Variants in RNF38 observed in about 807,000 individuals in gnomAD.
RNF38 encodes the protein ring finger protein 38.
RNF38 carries 15 observed loss-of-function variants against 67.2 expected under a neutral mutation model. The observed-to-expected ratio is 0.22, with a 90% CI of 0.15 to 0.34. The LOEUF (loss-of-function observed/expected upper bound fraction) is 0.34. RNF38 is among the 10% of genes least tolerant of loss of function. The pLI is 1.00. For missense variants in RNF38, 524 were observed against 639.9 expected, an observed-to-expected ratio of 0.82 and a Z score of 1.95; for synonymous variants, 220 against 218.8, an observed-to-expected ratio of 1.01 and a Z score of -0.05.
At chr9:36,369,507 G>A (rs1180412505) in intron 4 of RNF38, among the ~76,000 whole-genome samples, 6 of 152,092 alleles carry the variant, frequency 3.9e-5, no homozygotes, top group Non-Finnish European at 5.9e-5. Context: ...ATGAGCCACC[G>A]TGCTGGGCCG....
At chr9:36,443,208 C>T (rs919497464) in intron 1 of RNF38, among the ~76,000 whole-genome samples, 4 of 152,126 alleles carry the variant, frequency 2.6e-5, no homozygotes, top group African/African-American at 7.2e-5. Context: ...ATGGATTGTC[C>T]GCAGGCATAG....
At chr9:36,394,229 C>T (rs565551698) in intron 1 of RNF38, among the ~76,000 whole-genome samples, 3 of 151,694 alleles carry the variant, frequency 2.0e-5, no homozygotes, top group Non-Finnish European at 2.9e-5. Context: ...GAGCCAAGAT[C>T]GTGCCACTGC....
intron 9 of RNF38, among the ~76,000 whole-genome samples, chr9:36,350,007 G>A (rs187046326): frequency 1.9e-3 from 287 of 152,096 alleles, no homozygotes; most frequent in African/African-American, 6.7e-3. Flanking sequence ...TTATAGAAAC[G>A]GGGTTTCACC....
intron 1 of RNF38, among the ~76,000 whole-genome samples, chr9:36,435,383 T>C (rs1320507337): frequency 1.3e-5 from 2 of 152,344 alleles, no homozygotes; most frequent in East Asian, 3.9e-4. Flanking sequence ...ACGAGAGTAG[T>C]AATTTTTAAA....
upstream of RNF38, chr9:36,400,271 C>G: frequency 3.0e-6 from 4 of 1,337,492 alleles, no homozygotes; most frequent in Non-Finnish European, 1.9e-6. Context: ...CAGAAGGACG[C>G]CAGAGAGGAC....
In RNF38 at chr9:36,461,964, A is replaced by T. The variant is rs2134377561; in HGVS notation, n.241+25344T>A. On this transcript the variant is annotated intron_variant and non_coding_transcript_variant, in intron 1 of 3. Coordinates refer to the RNF38 transcript ENST00000488058. Reference sequence around the variant, plus strand: ...AAACACAGAAGAGAGATGAAGAAACAGGCCCAAGCCCTGAGGAACTCAAAC... The same window carrying T: ...AAACACAGAAGAGAGATGAAGAAACTGGCCCAAGCCCTGAGGAACTCAAAC... Among the ~76,000 whole-genome samples the T allele has an allele frequency of 2.6e-5, 4 of 152,356 alleles. No homozygotes were observed. The South Asian group carries it at 8.3e-4, about 32-fold the overall frequency.
intron 9 of RNF38, among the ~76,000 whole-genome samples, chr9:36,346,935 CG>C (rs1037537690): frequency 6.6e-6 from 1 of 151,888 alleles, no homozygotes; most frequent in African/African-American, 2.4e-5. Flanking sequence ...CTGGTCAACA[CG>C]GTGAAACCCC....
intron 1 of RNF38, among the ~76,000 whole-genome samples, chr9:36,440,546 GA>G (rs1000747818): frequency 2.0e-5 from 3 of 147,750 alleles, no homozygotes; most frequent in East Asian, 2.0e-4. Flanking sequence ...AAAAAAGAAA[GA>G]AAAAAAAGAA....
intron 4 of RNF38, among the ~76,000 whole-genome samples, chr9:36,365,672 T>TTG (rs1388418177): frequency 2.6e-4 from 37 of 142,384 alleles, no homozygotes; most frequent in African/African-American, 8.6e-4. Context: ...GTTTTTTTTT[T>TTG]TTTTTTTTTT....
chr9:36,347,969 G>A (rs958351477), intron 9 of RNF38, among the ~76,000 whole-genome samples: 9 of 152,220 alleles, frequency 5.9e-5, no homozygotes, highest in Non-Finnish European at 1.0e-4. Flanking sequence ...CTACCTACTC[G>A]GGAGGCTGAG....
chr9:36,487,597 A>C (rs1306874260), upstream of RNF38: 1 of 976,946 alleles, frequency 1.0e-6, no homozygotes, highest in Non-Finnish European at 1.2e-6. Flanking sequence ...CTGCGACTCG[A>C]CTCCGGCGCG....
At chr9:36,380,495 C>T (rs1223919724) in intron 2 of RNF38, among the ~76,000 whole-genome samples, 2 of 149,742 alleles carry the variant, frequency 1.3e-5, no homozygotes, top group Non-Finnish European at 3.0e-5. Flanking sequence ...CCACTGCGCC[C>T]GGCCTGTTTT....
At chr9:36,484,107 T>C (rs1407904931) in intron 1 of RNF38, among the ~76,000 whole-genome samples, 2 of 152,152 alleles carry the variant, frequency 1.3e-5, no homozygotes, top group African/African-American at 4.8e-5. Flanking sequence ...TTCTCAAACT[T>C]TAGTGGGCAT....
At chr9:36,455,207 G>A (rs143418143) in intron 1 of RNF38, among the ~76,000 whole-genome samples, 5 of 151,860 alleles carry the variant, frequency 3.3e-5, no homozygotes, top group Admixed American at 6.6e-5. Context: ...TCACAGGCAC[G>A]GACCACCATG....
intron 2 of RNF38, among the ~76,000 whole-genome samples, chr9:36,409,643 A>C (rs1587628609): frequency 6.6e-6 from 1 of 152,344 alleles, no homozygotes; most frequent in Non-Finnish European, 1.5e-5. Flanking sequence ...ATAGAAGTCT[A>C]ACATCTTGCA....
chr9:36,428,929 T>A (rs1486843805), intron 1 of RNF38, among the ~76,000 whole-genome samples: 1 of 152,146 alleles, frequency 6.6e-6, no homozygotes, highest in Non-Finnish European at 1.5e-5. Context: ...CTAAAGACTC[T>A]AATCTCACTC....
chr9:36,389,889 G>C (rs554633986), intron 2 of RNF38, among the ~76,000 whole-genome samples: 19 of 152,244 alleles, frequency 1.2e-4, no homozygotes, highest in Middle Eastern at 3.4e-3. Context: ...AATATGGATT[G>C]AAAGTTTGGT....
Position 36,338,529 on chromosome 9 carries a change from T to C in RNF38, c.*1223A>G, listed in dbSNP as rs931436039. On this transcript the variant is annotated 3_prime_UTR_variant, in exon 12 of 12. Transcript: ENST00000259605. ...TGATGAAGGAAGAACTAGACAACTT[T>C]CAGAATTGGAGTCTGGCAAGTGAAT... The C allele has an allele frequency of 2.0e-5, 3 of 152,182 alleles. No individual in the cohort carries two copies. The highest frequency in any genetic ancestry group is 4.4e-5 in the Non-Finnish European group (3 of 68,028). 9.4% of individuals were successfully genotyped at this position (152,182 alleles called of 1,614,324 possible).
At chr9:36,478,914 A>ATAAGG (rs1389283276) in intron 1 of RNF38, among the ~76,000 whole-genome samples, 2 of 152,058 alleles carry the variant, frequency 1.3e-5, no homozygotes, top group Non-Finnish European at 2.9e-5. Context: ...TTCTGGTAAC[A>ATAAGG]CAAACATAAG....
Sources: allele counts gnomAD v4.1 joint callset (sites outside exome capture counted in the v4.1 genomes callset), GRCh38; gene constraint gnomAD v4.1.1; transcripts MANE v1.5; gene names NCBI Gene and HGNC (gene_info 2026-07-23, HGNC 2026-07-21).